The following STPG2 variants were observed in gnomAD, a reference collection of about 807,000 sequenced individuals.
STPG2 encodes sperm-tail PG-rich repeat-containing protein 2.
Under a neutral mutation model 54.2 loss-of-function variants are expected in STPG2, and 56 were observed. The observed-to-expected ratio is 1.03, with a 90% confidence interval of 0.83 to 1.29. The LOEUF is 1.29. STPG2 is among the 50% of genes most tolerant of loss of function. STPG2 has a pLI of 0.00. For missense variants in STPG2, 596 were observed against 544.9 expected (o/e 1.09, Z -0.93); for synonymous variants, 200 against 181.8 (o/e 1.10, Z -0.81).
intron 8 of STPG2, among the ~76,000 whole-genome samples, chr4:97,937,466 CTTTTGAAT>C (rs1288114395): frequency 6.6e-6 from 1 of 152,124 alleles, no homozygotes; most frequent in East Asian, 1.9e-4. Flanking sequence ...GCACTCTGTC[CTTTTGAAT>C]TTTTGCGGTT....
chr4:97,679,153 T>G (rs11727811), intron 10 of STPG2, among the ~76,000 whole-genome samples: 68,041 of 151,896 alleles, frequency 0.45, 16,761 homozygotes, highest in South Asian at 0.62. Context: ...TAATGGGATG[T>G]CCGGGTCAAA....
chr4:97,805,808 C>T (rs1390254995), intron 9 of STPG2, among the ~76,000 whole-genome samples: 2 of 149,142 alleles, frequency 1.3e-5, no homozygotes, highest in African/African-American at 5.0e-5. Flanking sequence ...TACCATCACA[C>T]ACCAGTTAGA....
chr4:97,736,282 G>A (rs544862862), intron 9 of STPG2, among the ~76,000 whole-genome samples: 11 of 152,292 alleles, frequency 7.2e-5, no homozygotes, highest in Admixed American at 3.3e-4. Context: ...TGTGAGCGAC[G>A]CAGAAGATGG....
At chr4:97,484,338 G>A (rs965454529) in intron 4 of STPG2, among the ~76,000 whole-genome samples, 3 of 151,552 alleles carry the variant, frequency 2.0e-5, no homozygotes, top group African/African-American at 7.3e-5. Context: ...ATGAAGAAGA[G>A]AGAAAATCCA....
chr4:97,540,302 G>A lies in STPG2; in HGVS notation c.462+172397C>T, dbSNP rs112956889. On this transcript the variant is annotated intron_variant, in intron 4 of 4. Transcript: ENST00000522676. ...TAATGATAAAGGGGATATCACCACC[G>A]ATCCCACAGACATACAAACTACCAT... is the stretch of plus-strand genomic sequence containing the variant. 1.1e-4 allele frequency among the ~76,000 whole-genome samples: 16 copies of A among 152,122 alleles called. No homozygotes were observed. The South Asian group carries it at 1.2e-3, about 12-fold the overall frequency.
At chr4:97,881,695 C>T (rs568640486) in intron 8 of STPG2, among the ~76,000 whole-genome samples, 1 of 152,198 alleles carries the variant, frequency 6.6e-6, no homozygotes, top group Non-Finnish European at 1.5e-5. Context: ...TACTTAAGTG[C>T]ACTTTAAAAT....
intron 9 of STPG2, among the ~76,000 whole-genome samples, chr4:97,786,957 A>G (rs1726846276): frequency 6.6e-6 from 1 of 152,124 alleles, no homozygotes. Context: ...AGTATAGTAT[A>G]GGTACATTCC....
intron 9 of STPG2, among the ~76,000 whole-genome samples, chr4:97,752,285 C>T (rs775675175): frequency 2.0e-5 from 3 of 151,544 alleles, no homozygotes; most frequent in East Asian, 1.9e-4. Context: ...AAAGGTATAA[C>T]CTTTAAATGA....
chr4:98,042,722 G>GA (rs34792704), intron 5 of STPG2, among the ~76,000 whole-genome samples: 4 of 125,554 alleles, frequency 3.2e-5, no homozygotes, highest in African/African-American at 9.3e-5. Context: ...TCTCTGACCT[G>GA]AAAAAATCTA....
chr4:97,712,716 C>G lies in STPG2; in HGVS notation c.1303G>C (p.Gly435Arg). The G allele has an allele frequency of 1.9e-6, 3 of 1,592,472 alleles. No individual in the cohort carries two copies. Among genetic ancestry groups the G allele is most frequent in the Non-Finnish European group, 2.6e-6 (3 of 1,168,398 alleles). The change falls in exon 10 of 11, where the codon GGC becomes CGC. Residue 435 changes from glycine (G) to arginine (R), a missense_variant. Coordinates refer to ENST00000295268, the MANE Select transcript of STPG2 (RefSeq NM_174952.3). The stretch of plus-strand genomic sequence containing the variant: ...TGACAAACCTCATATGTTGCTGGGC[C>G]TGGAGTAATCTCTTTGGACTCTTCA... ...RFEESKEITP[G>R]PATYEISQEK...
At chr4:97,564,574 G>A (rs1020598178) in intron 10 of STPG2, among the ~76,000 whole-genome samples, 3 of 152,156 alleles carry the variant, frequency 2.0e-5, no homozygotes, top group Admixed American at 1.3e-4. Flanking sequence ...ACTGGTACTG[G>A]TTGTTCCTTT....
intron 7 of STPG2, among the ~76,000 whole-genome samples, chr4:97,961,550 T>C (rs1733889656): frequency 6.6e-6 from 1 of 152,124 alleles, no homozygotes; most frequent in Non-Finnish European, 1.5e-5. Context: ...GCTGAGGACA[T>C]GAATAGACAA....
At chr4:97,577,725 T>A (rs1732758279) in intron 10 of STPG2, among the ~76,000 whole-genome samples, 1 of 152,186 alleles carries the variant, frequency 6.6e-6, no homozygotes, top group Admixed American at 6.5e-5. Context: ...TTCCTGAATC[T>A]AAAACAAACA....
intron 5 of STPG2, among the ~76,000 whole-genome samples, chr4:97,983,037 T>C (rs535295036): frequency 6.6e-6 from 1 of 152,190 alleles, no homozygotes; most frequent in Non-Finnish European, 1.5e-5. Flanking sequence ...TACCTATCTA[T>C]AGTCGACCCT....
At chr4:97,658,223 A>T (rs1157347784) in intron 10 of STPG2, among the ~76,000 whole-genome samples, 2 of 152,220 alleles carry the variant, frequency 1.3e-5, no homozygotes, top group Admixed American at 1.3e-4. Flanking sequence ...TAAATATGAC[A>T]TATGCCTGCA....
chr4:98,087,560 C>CT (rs70955916), intron 5 of STPG2, among the ~76,000 whole-genome samples: 8,433 of 132,076 alleles, frequency 0.064, 344 homozygotes, highest in African/African-American at 0.075. Context: ...CTCTTTTTTT[C>CT]TTTTTTTTTT....
At chr4:97,463,307 A>T (rs1302666000) in intron 4 of STPG2, among the ~76,000 whole-genome samples, 1 of 152,164 alleles carries the variant, frequency 6.6e-6, no homozygotes, top group African/African-American at 2.4e-5. Context: ...ATGTTTATAT[A>T]TAAATTTCGG....
At chr4:98,052,066 CACGAGAGCA>C (rs5860518) in intron 5 of STPG2, among the ~76,000 whole-genome samples, 58,208 of 148,126 alleles carry the variant, frequency 0.39, 11,548 homozygotes, top group Middle Eastern at 0.45. Flanking sequence ...CAGCCTGGGC[CACGAGAGCA>C]AAACTCTGTC....
At chr4:98,092,552 T>G (rs1254798734) in intron 5 of STPG2, among the ~76,000 whole-genome samples, 1 of 152,060 alleles carries the variant, frequency 6.6e-6, no homozygotes, top group Non-Finnish European at 1.5e-5. Flanking sequence ...ATTAATGGAA[T>G]AATCCACCCA....
Sources: allele counts gnomAD v4.1 joint callset (sites outside exome capture counted in the v4.1 genomes callset), GRCh38; gene constraint gnomAD v4.1.1; transcripts MANE v1.5; gene names NCBI Gene and HGNC (gene_info 2026-07-23, HGNC 2026-07-21).